Variants in MMP24 observed in about 807,000 individuals in gnomAD.
The protein encoded by MMP24 is matrix metalloproteinase-24.
A neutral mutation model predicts 62.8 loss-of-function variants in MMP24; 25 were observed. The observed-to-expected ratio is 0.40, with a 90% CI of 0.29 to 0.56. MMP24 has a LOEUF of 0.56. Among genes scored for constraint, MMP24 ranks in the 20% least tolerant of loss-of-function variants. The pLI is 0.50. For missense variants in MMP24, 634 were observed against 853.6 expected, an observed-to-expected ratio of 0.74 and a Z score of 3.21; for synonymous variants, 319 against 350.5, an observed-to-expected ratio of 0.91 and a Z score of 1.00.
At chr20:35,262,421 TA>T (rs1368245561) in intron 4 of MMP24, among the ~76,000 whole-genome samples, 1 of 151,566 alleles carries the variant, frequency 6.6e-6, no homozygotes, top group Non-Finnish European at 1.5e-5. Flanking sequence ...TGTAAAGGAT[TA>T]AGTGCTGTGC....
intron 4 of MMP24, chr20:35,256,017 G>A (rs1018873110): frequency 1.3e-5 from 2 of 152,206 alleles, no homozygotes; most frequent in African/African-American, 4.8e-5. Context: ...GTAGGAGTTT[G>A]GAGGAAAGAG....
At chr20:35,250,793 A>G (rs1323588320) in intron 2 of MMP24, among the ~76,000 whole-genome samples, 1 of 152,130 alleles carries the variant, frequency 6.6e-6, no homozygotes, top group Non-Finnish European at 1.5e-5. Flanking sequence ...TTAAACAACC[A>G]GATCTCATGA....
At position 35,226,968 on chromosome 20, in the gene MMP24, C is replaced by T; in HGVS notation, c.230C>T (p.Ala77Val). Residue 77 changes from alanine (A) to valine (V), a missense_variant, in exon 1 of 9, where the codon GCG becomes GTG. This residue lies in a region of MMP24 where 212 missense variants were observed against 259.6 expected (regional missense o/e 0.82). Transcript: ENST00000246186. The stretch of plus-strand genomic sequence containing the variant: ...GTGGCGCGGGCGGACGAGGCGGAGG[C>T]GCCCTTCGCCGGGCAGGTGGGGCTG... ...VAVARADEAE[A>V]PFAGQNWLKS... 1.0e-6 allele frequency: 1 copy of T among 979,994 alleles called. No individual in the cohort carries two copies. Among genetic ancestry groups the T allele is most frequent in the Non-Finnish European group, 1.2e-6 (1 of 827,870 alleles). 60.7% of individuals were successfully genotyped at this position (979,994 alleles called of 1,614,324 possible). A position where few individuals can be genotyped will look rare whatever the true frequency, so the allele number is the denominator to read the frequency against.
chr20:35,240,876 T>C (rs1248439529), intron 1 of MMP24, among the ~76,000 whole-genome samples: 1 of 152,212 alleles, frequency 6.6e-6, no homozygotes, highest in Non-Finnish European at 1.5e-5. Flanking sequence ...ATCTCTGTTC[T>C]CCAGGAACTC....
chr20:35,274,672 G>A lies in MMP24; in HGVS notation c.*63G>A, dbSNP rs1473954289. On this transcript the variant is annotated 3_prime_UTR_variant, in exon 9 of 9. Coordinates refer to ENST00000246186, the MANE Select transcript of MMP24 (RefSeq NM_006690.4). This position sits in a 1 kb window ranked among gnomAD's most constrained non-coding sequence, Gnocchi z 5.1. ...GCCAGGCCCTTCCTCACCAGGGTCTGAGGGGCAGCTCTGGCCAGTGCTCAC... is the reference window on the plus strand; with the variant it reads ...GCCAGGCCCTTCCTCACCAGGGTCTAAGGGGCAGCTCTGGCCAGTGCTCAC... The A allele has an allele frequency of 7.1e-7, 1 of 1,406,680 alleles. No homozygotes were observed. The highest frequency in any genetic ancestry group is 2.2e-5 in the Admixed American group (1 of 46,052). 87.1% of individuals were successfully genotyped at this position (1,406,680 alleles called of 1,614,324 possible). A position where few individuals can be genotyped will look rare whatever the true frequency, so the allele number is the denominator to read the frequency against.
chr20:35,268,437 G>GA (rs2060647645), intron 6 of MMP24, among the ~76,000 whole-genome samples: 1 of 152,224 alleles, frequency 6.6e-6, no homozygotes, highest in Non-Finnish European at 1.5e-5. Context: ...CACTGCGCAG[G>GA]AATCGGGCAG....
chr20:35,249,997 C>T (rs923909681), intron 2 of MMP24, among the ~76,000 whole-genome samples: 8 of 152,016 alleles, frequency 5.3e-5, no homozygotes, highest in African/African-American at 1.7e-4. Context: ...TGACTCCCCT[C>T]ACCCAAGTGT....
intron 8 of MMP24, among the ~76,000 whole-genome samples, chr20:35,272,886 G>A (rs928867904): frequency 2.6e-5 from 4 of 152,128 alleles, no homozygotes; most frequent in African/African-American, 9.7e-5. Context: ...GATTAAAGAA[G>A]ACAAATTATG....
intron 1 of MMP24, among the ~76,000 whole-genome samples, chr20:35,243,682 A>G (rs1333891851): frequency 6.6e-6 from 1 of 152,146 alleles, no homozygotes; most frequent in Admixed American, 6.6e-5. Flanking sequence ...TATAATATCT[A>G]TAATAGGGGA....
chr20:35,265,331 A>T (rs2146234156), intron 5 of MMP24, among the ~76,000 whole-genome samples: 1 of 152,158 alleles, frequency 6.6e-6, no homozygotes, highest in Admixed American at 6.5e-5. Context: ...AATCCCAGCT[A>T]CTTGGGAGGC....
At chr20:35,230,450 T>G (rs1223360148) in intron 1 of MMP24, among the ~76,000 whole-genome samples, 1 of 152,260 alleles carries the variant, frequency 6.6e-6, no homozygotes, top group East Asian at 1.9e-4. Context: ...ATGATTCTAC[T>G]CTTTATCCTT....
intron 2 of MMP24, among the ~76,000 whole-genome samples, chr20:35,249,814 C>T (rs930005528): frequency 5.9e-5 from 9 of 151,626 alleles, no homozygotes; most frequent in African/African-American, 1.9e-4. Flanking sequence ...AGGATGGTCT[C>T]GATCTCCTGA....
chr20:35,264,914 C>T (rs1216593156), intron 5 of MMP24, among the ~76,000 whole-genome samples: 1 of 152,078 alleles, frequency 6.6e-6, no homozygotes, highest in African/African-American at 2.4e-5. Flanking sequence ...ACAGCACAGG[C>T]ACCCACAGCC....
intron 8 of MMP24, among the ~76,000 whole-genome samples, chr20:35,272,807 T>C (rs2060678826): frequency 6.6e-6 from 1 of 152,250 alleles, no homozygotes; most frequent in African/African-American, 2.4e-5. Flanking sequence ...AAATCTTTAA[T>C]AAGTTTTCTG....
chr20:35,253,895 G>T (rs1427466384), intron 3 of MMP24, among the ~76,000 whole-genome samples: 1 of 130,122 alleles, frequency 7.7e-6, no homozygotes. Flanking sequence ...TTGAGACAGA[G>T]TCTCACTCTT....
In MMP24 at chr20:35,269,653, T is replaced by C; in HGVS notation, c.1195-107T>C. On this transcript the variant is annotated intron_variant, in intron 6 of 8. Transcript: ENST00000246186. The surrounding 1 kb of genome is among the most constrained non-coding windows in gnomAD (Gnocchi z 4.6). Reference sequence around the variant, plus strand: ...AAAGTCAGAAGCAGCTAATGGACAGTCTCGGTGGAGGGCTGGGCTGTTGGG... The same window carrying C: ...AAAGTCAGAAGCAGCTAATGGACAGCCTCGGTGGAGGGCTGGGCTGTTGGG... The C allele has an allele frequency of 1.5e-6, 2 of 1,350,776 alleles. No homozygotes were observed. The highest frequency in any genetic ancestry group is 1.0e-6 in the Non-Finnish European group (1 of 1,004,098). 83.7% of individuals were successfully genotyped at this position (1,350,776 alleles called of 1,614,324 possible).
chr20:35,273,387 C>A (rs1287622307), intron 8 of MMP24, among the ~76,000 whole-genome samples: 6 of 148,514 alleles, frequency 4.0e-5, no homozygotes, highest in Admixed American at 6.7e-5. Flanking sequence ...TGGAGTGAGA[C>A]CTTGTCTTAA....
rs1466083263 is a variant in MMP24, at chr20:35,274,634, C to A, written c.*25C>A. On this transcript the variant is annotated 3_prime_UTR_variant, in exon 9 of 9. Coordinates refer to ENST00000246186, the MANE Select transcript of MMP24 (RefSeq NM_006690.4). The surrounding 1 kb of genome is among the most constrained non-coding windows in gnomAD (Gnocchi z 5.1). ...AGCAGCCCAGAGCCCTCTCTATCCACTTGGTCTGGCCAGCCAGGCCCTTCC... is the reference window on the plus strand; with the variant it reads ...AGCAGCCCAGAGCCCTCTCTATCCAATTGGTCTGGCCAGCCAGGCCCTTCC... 1 of 1,552,350 alleles carries A rather than the reference C, an allele frequency of 6.4e-7. No homozygotes were observed. The highest frequency in any genetic ancestry group is 8.7e-7 in the Non-Finnish European group (1 of 1,145,118).
intron 3 of MMP24, among the ~76,000 whole-genome samples, chr20:35,253,599 C>G (rs549530557): frequency 1.5e-4 from 23 of 152,108 alleles, no homozygotes; most frequent in Middle Eastern, 6.8e-3. Context: ...GGGCAGGGAA[C>G]CCACAGGTAG....
Sources: gnomAD v4.1 joint callset for allele counts (sites outside exome capture counted in the v4.1 genomes callset) on GRCh38, gnomAD v4.1.1 for gene constraint, gnomAD v4.1.1 regional missense constraint, Gnocchi (gnomAD v3.1) non-coding constraint, MANE v1.5 for transcripts, NCBI Gene and HGNC (gene_info 2026-07-23, HGNC 2026-07-21) for gene names.